SCLY: variants seen among roughly 807,000 people sequenced by gnomAD.
SCLY encodes putative selenocysteine lyase.
SCLY carries 38 observed loss-of-function variants against 50.1 expected under a neutral mutation model. The ratio of observed to expected loss-of-function variants is 0.76; its 90% CI spans 0.59 to 0.99. The LOEUF is 0.99. Ranked by LOEUF, SCLY falls within the 50% of genes least tolerant of loss-of-function variation. SCLY has a pLI of 0.00. For synonymous variants in SCLY, 243 were observed against 249.4 expected (o/e 0.97, Z 0.24); for missense variants, 600 against 620.0 (o/e 0.97, Z 0.34).
chr2:238,097,745 C>T (rs1354002712), intron 11 of SCLY, among the ~76,000 whole-genome samples: 3 of 152,130 alleles, frequency 2.0e-5, no homozygotes, highest in Non-Finnish European at 4.4e-5. Context: ...CAGGATGTCC[C>T]CACGCAGTCA....
chr2:238,065,546 G>A (rs527351743), intron 2 of SCLY, among the ~76,000 whole-genome samples: 3 of 151,908 alleles, frequency 2.0e-5, no homozygotes, highest in African/African-American at 4.8e-5. Context: ...ACTCAAAAGT[G>A]TTGCAGTTCA....
rs778849623 is a variant in SCLY at position 238,069,702 on chromosome 2, G to C, written c.484+225G>C. 2.2e-5 allele frequency: 10 copies of C among 446,234 alleles called. No homozygotes were observed. The highest frequency in any genetic ancestry group is 3.5e-5 in the Non-Finnish European group (9 of 255,478). 27.6% of individuals were successfully genotyped at this position (446,234 alleles called of 1,614,324 possible). On this transcript the variant is annotated intron_variant, in intron 4 of 11. Coordinates refer to ENST00000254663, the MANE Select transcript of SCLY (RefSeq NM_016510.7). This position sits in a 1 kb window ranked among gnomAD's most constrained non-coding sequence, Gnocchi z 5.0. ...GCTGCCCCTCTCGGTGCAGAGGCCA[G>C]CTGCCACAAGGGGGTTGGCAAGTGT...
At position 238,066,479 on chromosome 2, in the gene SCLY, G is replaced by A. The variant is rs1000297315; in HGVS notation, c.203-1586G>A. 2.0e-5 allele frequency among the ~76,000 whole-genome samples: 3 copies of A among 152,196 alleles called. No individual in the cohort carries two copies. Among genetic ancestry groups the A allele is most frequent in the Non-Finnish European group, 4.4e-5 (3 of 68,034 alleles). On this transcript the variant is annotated intron_variant, in intron 2 of 11. Transcript: ENST00000254663. This position sits in a 1 kb window ranked among gnomAD's most constrained non-coding sequence, Gnocchi z 4.1. ...TGTTGGGGGAGGGATGAAGCACGGTGCCCAAAATGTATTTGGGTTTTCGAG... is the reference window on the plus strand; with the variant it reads ...TGTTGGGGGAGGGATGAAGCACGGTACCCAAAATGTATTTGGGTTTTCGAG...
At chr2:238,090,799 T>TAC (rs144247500) in intron 7 of SCLY, among the ~76,000 whole-genome samples, 4,547 of 151,132 alleles carry the variant, frequency 0.03, 230 homozygotes, top group African/African-American at 0.1. Flanking sequence ...CTTGCACACA[T>TAC]ACACACACAC....
At chr2:238,091,551 A>AAC in intron 8 of SCLY, 32 of 404,408 alleles carry the variant, frequency 7.9e-5, no homozygotes, top group Admixed American at 2.3e-4. Flanking sequence ...CAGGTTCACC[A>AAC]TTCCCAAAGG....
chr2:238,096,440 C>T (rs1202939327), intron 10 of SCLY, among the ~76,000 whole-genome samples: 1 of 152,264 alleles, frequency 6.6e-6, no homozygotes, highest in Non-Finnish European at 1.5e-5. Flanking sequence ...AGAACTCCCA[C>T]GTGTCTCTAC....
rs375591953 is a variant in SCLY at position 238,098,380 on chromosome 2, G to A, written c.*25G>A. ...GCACTGGGGCCGCCTTCCCCACCCC[G>A]CTTCTGGGAAGCCCGTGGCAGGGCA... is the stretch of plus-strand genomic sequence containing the variant. On this transcript the variant is annotated 3_prime_UTR_variant, in exon 12 of 12. Transcript: ENST00000254663. 3.8e-5 allele frequency: 60 copies of A among 1,568,176 alleles called. No individual in the cohort carries two copies. Among genetic ancestry groups the A allele is most frequent in the Middle Eastern group, 2.2e-4 (1 of 4,450 alleles).
At chr2:238,091,470 A>C in intron 8 of SCLY, 3 of 568,834 alleles carry the variant, frequency 5.3e-6, no homozygotes, top group Non-Finnish European at 9.6e-6. Context: ...AAAGGGAAAA[A>C]CTCCTTGTCT....
chr2:238,094,169 A>G (rs867432805), intron 9 of SCLY: 23 of 612,896 alleles, frequency 3.8e-5, no homozygotes, highest in Admixed American at 8.8e-5. Context: ...TTTTTCAGAG[A>G]CACAGGATCA....
chr2:238,064,420 C>CAAG lies in SCLY; in HGVS notation c.154_156dup (p.Lys52dup). 3.7e-6 allele frequency: 6 copies of CAAG among 1,611,564 alleles called. No individual in the cohort carries two copies. The highest frequency in any genetic ancestry group is 5.1e-6 in the Non-Finnish European group (6 of 1,179,080). On this transcript the variant is annotated inframe_insertion, in exon 2 of 12. Transcript: ENST00000254663. ...AGCCAGAAGTTATCCAGGCCATGAC[C>CAAG]AAGGCCATGTGGGAAGCCTGGGGAA...
intron 9 of SCLY, 71 bp from the exon 10 acceptor site, chr2:238,094,349 C>CT: frequency 7.6e-7 from 1 of 1,307,844 alleles, no homozygotes; most frequent in Admixed American, 1.8e-5. Context: ...CTGGAAAAGT[C>CT]TAAATTTCAA....
Position 238,063,809 on chromosome 2 carries a change from T to C in SCLY, c.90-548T>C, listed in dbSNP as rs183451063. On this transcript the variant is annotated intron_variant, in intron 1 of 11. Transcript: ENST00000254663. ...CTTGGGGAATGTGCAGCTGTTCCCC[T>C]CCTTCCATAAGGAAGAGGCCAGTGA... 2.1e-3 allele frequency among the ~76,000 whole-genome samples: 314 copies of C among 152,316 alleles called. 2 individuals carry two copies. In the East Asian group the frequency reaches 0.05, roughly 24 times the overall value.
chr2:238,083,234 A>G lies in SCLY; in HGVS notation c.778-14A>G, dbSNP rs1272051723. ...AAAGTTCTTGTTGAATAAATGACCA[A>G]CTTTTCCTTCCAGTTTTATGGTCCC... On this transcript the variant is annotated splice_polypyrimidine_tract_variant and intron_variant, in intron 6 of 11. Transcript: ENST00000254663. This position sits in a 1 kb window ranked among gnomAD's most constrained non-coding sequence, Gnocchi z 4.3. 10 of 1,589,586 alleles carry G rather than the reference A, an allele frequency of 6.3e-6. No homozygotes were observed. The highest frequency in any genetic ancestry group is 5.2e-6 in the Non-Finnish European group (6 of 1,158,022).
intron 7 of SCLY, among the ~76,000 whole-genome samples, chr2:238,086,607 G>A (rs1232836694): frequency 6.6e-6 from 1 of 151,570 alleles, no homozygotes; most frequent in Non-Finnish European, 1.5e-5. Flanking sequence ...TCAGGAGGCT[G>A]AGGGGGAAGG....
rs73098347 is a variant in SCLY at position 238,094,139 on chromosome 2, C to G, written c.1005+195C>G. The G allele has an allele frequency of 5.9e-4, 375 of 631,194 alleles. 2 individuals carry two copies. In the African/African-American group the frequency reaches 6.2e-3, roughly 10 times the overall value. 39.1% of individuals were successfully genotyped at this position (631,194 alleles called of 1,614,324 possible). A position where few individuals can be genotyped will look rare whatever the true frequency, so the allele number is the denominator to read the frequency against. The stretch of plus-strand genomic sequence containing the variant: ...GGATCTGAAACCCCGAAAGCAGGAC[C>G]CTAGGCCAGGGGCATGATCTTTTTC... On this transcript the variant is annotated intron_variant, in intron 9 of 11. Coordinates refer to ENST00000254663, the MANE Select transcript of SCLY (RefSeq NM_016510.7).
Position 238,098,649 on chromosome 2 carries a change from GACCGCCCACATAGA to G in SCLY, c.*299_*312del, listed in dbSNP as rs1329906531. ...CGCCCACATGGGACCGCCCACATGG[GACCGCCCACATAGA>G]ACCGTCCTCCAGTGGTGAAGCGGAA... On this transcript the variant is annotated 3_prime_UTR_variant, in exon 12 of 12. Coordinates refer to ENST00000254663, the MANE Select transcript of SCLY (RefSeq NM_016510.7). 20 of 256,564 alleles carry G rather than the reference GACCGCCCACATAGA, an allele frequency of 7.8e-5. No homozygotes were observed. The highest frequency in any genetic ancestry group is 1.4e-4 in the Admixed American group (2 of 14,400). 15.9% of individuals were successfully genotyped at this position (256,564 alleles called of 1,614,324 possible).
chr2:238,065,614 TTTAA>T (rs1414832224), intron 2 of SCLY, among the ~76,000 whole-genome samples: 1 of 150,812 alleles, frequency 6.6e-6, no homozygotes, highest in Non-Finnish European at 1.5e-5. Flanking sequence ...TATAGAGTGG[TTTAA>T]TTATTTTCAC....
In SCLY at chr2:238,069,104, ATAATTGACTGGAATCTCATGT is replaced by A. The variant is rs2065103084; in HGVS notation, c.304-191_304-171del. 6.6e-6 allele frequency among the ~76,000 whole-genome samples: 1 copy of A among 152,292 alleles called. No individual in the cohort carries two copies. The highest frequency in any genetic ancestry group is 2.1e-4 in the South Asian group (1 of 4,836). On this transcript the variant is annotated intron_variant, in intron 3 of 11. Transcript: ENST00000254663. This position sits in a 1 kb window ranked among gnomAD's most constrained non-coding sequence, Gnocchi z 5.0. Reference sequence around the variant, plus strand: ...AATATTGCTTAACTATAAAACAGACATAATTGACTGGAATCTCATGTTTTTGAATGTTGGAAAACCCCAAAT... The same window carrying A: ...AATATTGCTTAACTATAAAACAGACATTTTGAATGTTGGAAAACCCCAAAT...
At chr2:238,061,987 T>G (rs1413330928) in intron 1 of SCLY, among the ~76,000 whole-genome samples, 2 of 152,184 alleles carry the variant, frequency 1.3e-5, no homozygotes, top group Admixed American at 6.5e-5. Flanking sequence ...ACATTTGGCA[T>G]TCTACCTTGG....
Sources: gnomAD v4.1 joint callset for allele counts (sites outside exome capture counted in the v4.1 genomes callset) on GRCh38, gnomAD v4.1.1 for gene constraint, Gnocchi (gnomAD v3.1) non-coding constraint, MANE v1.5 for transcripts, NCBI Gene and HGNC (gene_info 2026-07-23, HGNC 2026-07-21) for gene names.